The following MARCHF3 variants were observed in gnomAD, a reference collection of about 807,000 sequenced individuals.
The protein encoded by MARCHF3 is membrane associated ring-CH-type finger 3.
A neutral mutation model predicts 24.2 loss-of-function variants in MARCHF3; 13 were observed. The ratio of observed to expected loss-of-function variants is 0.54; its 90% CI spans 0.35 to 0.85. The LOEUF (loss-of-function observed/expected upper bound fraction) is 0.85, where lower values mean the gene tolerates loss of function less well. Among genes scored for constraint, MARCHF3 ranks in the 40% least tolerant of loss-of-function variants. The probability of loss-of-function intolerance (pLI) is 0.01; values close to 1 mark genes in which losing one functional copy is unlikely to be tolerated. For synonymous variants in MARCHF3, 144 were observed against 137.3 expected (o/e 1.05, Z -0.34); for missense variants, 276 against 325.0 (o/e 0.85, Z 1.16).
intron 1 of MARCHF3, among the ~76,000 whole-genome samples, chr5:126,977,660 C>A (rs1343900922): frequency 3.9e-5 from 6 of 152,124 alleles, no homozygotes; most frequent in African/African-American, 1.4e-4. Context: ...ATTTATCCTA[C>A]AGTCATACTC....
chr5:126,998,704 G>A (rs1001605962), intron 1 of MARCHF3, among the ~76,000 whole-genome samples: 1 of 152,116 alleles, frequency 6.6e-6, no homozygotes, highest in Admixed American at 6.5e-5. Context: ...AGATGTTTCT[G>A]TGGCTACCAA....
chr5:126,979,276 T>G (rs978053548), intron 1 of MARCHF3, among the ~76,000 whole-genome samples: 37 of 152,224 alleles, frequency 2.4e-4, no homozygotes, highest in African/African-American at 8.2e-4. Flanking sequence ...TTTGTATTTC[T>G]AAGGTCTAGC....
At chr5:126,989,722 A>C (rs183044150) in intron 1 of MARCHF3, among the ~76,000 whole-genome samples, 5 of 152,340 alleles carry the variant, frequency 3.3e-5, no homozygotes, top group African/African-American at 1.2e-4. Flanking sequence ...ACATGTATAC[A>C]TTAATCACAA....
chr5:126,911,619 T>G (rs1317540504), intron 3 of MARCHF3, among the ~76,000 whole-genome samples: 2 of 152,250 alleles, frequency 1.3e-5, no homozygotes, highest in African/African-American at 4.8e-5. Flanking sequence ...TGCAATGTAG[T>G]GCTCTTGGGT....
intron 3 of MARCHF3, among the ~76,000 whole-genome samples, chr5:126,912,247 G>A (rs533609879): frequency 6.6e-6 from 1 of 152,316 alleles, no homozygotes; most frequent in South Asian, 2.1e-4. Context: ...GGCATGAAGG[G>A]GGATGAACAG....
chr5:126,950,850 T>C (rs1399347778), intron 1 of MARCHF3, among the ~76,000 whole-genome samples: 1 of 152,226 alleles, frequency 6.6e-6, no homozygotes, highest in Non-Finnish European at 1.5e-5. Flanking sequence ...TGTCTCCTAT[T>C]ACCTTTTTCA....
intron 1 of MARCHF3, among the ~76,000 whole-genome samples, chr5:126,988,206 A>T (rs1481573376): frequency 6.6e-6 from 1 of 152,104 alleles, no homozygotes; most frequent in Non-Finnish European, 1.5e-5. Flanking sequence ...GCCCATTCTC[A>T]GTCTTGATCT....
At chr5:127,023,425 AT>A (rs201934036) in intron 1 of MARCHF3, among the ~76,000 whole-genome samples, 2,038 of 152,094 alleles carry the variant, frequency 0.013, 43 homozygotes, top group African/African-American at 0.044. Context: ...TGCTGGAATT[AT>A]TTTTTTTAAA....
Position 126,914,621 on chromosome 5 carries a change from C to G in MARCHF3, c.393+309G>C, listed in dbSNP as rs1160737659. 6.3e-6 allele frequency: 3 copies of G among 478,740 alleles called. No homozygotes were observed. In the Admixed American group the frequency reaches 9.9e-5, roughly 16 times the overall value. The allele number at this position is 478,740 out of a possible 1,614,324, so 29.7% of individuals were successfully genotyped here. A position where few individuals can be genotyped will look rare whatever the true frequency, so the allele number is the denominator to read the frequency against. ...TGTTTGATCTGTTGGTTCCATTTCA[C>G]AGGGATTGAAAAATGGAGATCAAGT... On this transcript the variant is annotated intron_variant, in intron 3 of 4. Coordinates refer to ENST00000308660, the MANE Select transcript of MARCHF3 (RefSeq NM_178450.5).
chr5:126,983,406 C>T (rs1284415265), intron 1 of MARCHF3, among the ~76,000 whole-genome samples: 1 of 152,178 alleles, frequency 6.6e-6, no homozygotes, highest in African/African-American at 2.4e-5. Flanking sequence ...AGGCCACAGA[C>T]TGGTCACTTC....
intron 3 of MARCHF3, among the ~76,000 whole-genome samples, chr5:126,890,663 A>T (rs1002153807): frequency 2.0e-5 from 3 of 151,200 alleles, no homozygotes; most frequent in African/African-American, 4.9e-5. Context: ...TATATGTGCC[A>T]CATTTTCTTA....
chr5:126,985,118 G>A (rs373250977), intron 1 of MARCHF3, among the ~76,000 whole-genome samples: 21 of 152,156 alleles, frequency 1.4e-4, no homozygotes, highest in African/African-American at 5.1e-4. Flanking sequence ...CCTGGAGGAT[G>A]GGGATTTCCT....
chr5:126,955,398 T>C (rs1358539741), intron 1 of MARCHF3, among the ~76,000 whole-genome samples: 2 of 152,246 alleles, frequency 1.3e-5, no homozygotes, highest in Non-Finnish European at 2.9e-5. Flanking sequence ...TTTCAAATTT[T>C]AGCAGGTATT....
At chr5:126,984,613 A>G (rs1348392181) in intron 1 of MARCHF3, among the ~76,000 whole-genome samples, 1 of 152,180 alleles carries the variant, frequency 6.6e-6, no homozygotes, top group African/African-American at 2.4e-5. Context: ...CTCTTCTAGG[A>G]TACAAGAAAA....
chr5:127,010,862 C>T (rs1752448747), intron 1 of MARCHF3, among the ~76,000 whole-genome samples: 1 of 151,930 alleles, frequency 6.6e-6, no homozygotes, highest in African/African-American at 2.4e-5. Context: ...TAGTCAAAAT[C>T]ACAGAGACAA....
rs370971670 is a variant in MARCHF3 at position 126,995,692 on chromosome 5, T to C, written c.-57+34658A>G. ...TGACCATTATGTACTGTCTCCACTT[T>C]GAATGTCTGTGACTTGCAACTAAGT... is the stretch of plus-strand genomic sequence containing the variant. On this transcript the variant is annotated intron_variant, in intron 1 of 4. Transcript: ENST00000308660. Among the ~76,000 whole-genome samples the C allele has an allele frequency of 8.5e-5, 13 of 152,350 alleles. No homozygotes were observed. In the South Asian group the frequency reaches 2.7e-3, roughly 32 times the overall value.
intron 3 of MARCHF3, among the ~76,000 whole-genome samples, chr5:126,883,479 A>G (rs939190807): frequency 5.9e-5 from 9 of 152,232 alleles, no homozygotes; most frequent in Non-Finnish European, 1.2e-4. Flanking sequence ...AAATAAGTAC[A>G]ATAAATAAAC....
chr5:126,961,971 T>G (rs1750651377), intron 1 of MARCHF3, among the ~76,000 whole-genome samples: 1 of 152,122 alleles, frequency 6.6e-6, no homozygotes. Context: ...TGGACAAGCT[T>G]GAGAGTGATA....
intron 1 of MARCHF3, among the ~76,000 whole-genome samples, chr5:126,989,534 T>C (rs1197687810): frequency 6.6e-6 from 1 of 152,066 alleles, no homozygotes; most frequent in Non-Finnish European, 1.5e-5. Flanking sequence ...TGTTCGTGTC[T>C]AAGTGCTGGT....
Sources: allele counts gnomAD v4.1 joint callset (sites outside exome capture counted in the v4.1 genomes callset), GRCh38; gene constraint gnomAD v4.1.1; transcripts MANE v1.5; gene names NCBI Gene and HGNC (gene_info 2026-07-23, HGNC 2026-07-21).